FAM178B: variants seen among roughly 807,000 people sequenced by gnomAD.
FAM178B encodes the protein family with sequence similarity 178 member B, also known as protein FAM178B.
Under a neutral mutation model 91.7 loss-of-function variants are expected in FAM178B, and 82 were observed. The ratio of observed to expected loss-of-function variants is 0.89; its 90% CI spans 0.75 to 1.07. FAM178B has a LOEUF of 1.07. FAM178B is among the 50% of genes least tolerant of loss of function. The probability of loss-of-function intolerance (pLI) is 0.00; values close to 1 mark genes in which losing one functional copy is unlikely to be tolerated. For missense variants in FAM178B, 769 were observed against 846.7 expected (o/e 0.91, Z 1.14); for synonymous variants, 368 against 359.4 (o/e 1.02, Z -0.27).
At chr2:96,926,895 C>T (rs570144945) in intron 9 of FAM178B, among the ~76,000 whole-genome samples, 1 of 152,178 alleles carries the variant, frequency 6.6e-6, no homozygotes, top group Non-Finnish European at 1.5e-5. Context: ...TGAGCCCTGG[C>T]CATTGTGAGG....
intron 12 of FAM178B, among the ~76,000 whole-genome samples, chr2:96,918,362 T>C (rs2081277520): frequency 1.3e-5 from 2 of 152,026 alleles, no homozygotes; most frequent in African/African-American, 4.8e-5. Context: ...CAAAAGGTAA[T>C]TTACAGTAAG....
At chr2:96,886,907 G>A (rs527393379) in intron 14 of FAM178B, among the ~76,000 whole-genome samples, 14 of 152,232 alleles carry the variant, frequency 9.2e-5, no homozygotes, top group African/African-American at 3.1e-4. Context: ...CACCAAACCT[G>A]GCTCATTTTT....
Position 96,986,539 on chromosome 2 carries a change from A to AGCC in FAM178B, c.-229_-227dup, listed in dbSNP as rs931327167. On this transcript the variant is annotated 5_prime_UTR_variant, in exon 1 of 17. Coordinates refer to ENST00000490605, the MANE Select transcript of FAM178B (RefSeq NM_001122646.3). ...ACTCCAAACCAAGCGGCCAGCTCAC[A>AGCC]GCCGCCGCCGCCGCCAGCTGGGGAG... 9.5e-5 allele frequency: 52 copies of AGCC among 547,050 alleles called. No homozygotes were observed. The highest frequency in any genetic ancestry group is 2.6e-4 in the South Asian group (12 of 46,482). 33.9% of individuals were successfully genotyped at this position (547,050 alleles called of 1,614,324 possible).
chr2:96,918,188 A>C (rs1485072602), intron 12 of FAM178B, among the ~76,000 whole-genome samples: 1 of 152,030 alleles, frequency 6.6e-6, no homozygotes, highest in African/African-American at 2.4e-5. Flanking sequence ...AAAAAAAAAA[A>C]GAAAAAAAAT....
At chr2:96,978,860 C>T (rs547666080) in intron 1 of FAM178B, among the ~76,000 whole-genome samples, 177 of 151,806 alleles carry the variant, frequency 1.2e-3, no homozygotes, top group African/African-American at 4.0e-3. Context: ...CTCCTGACCT[C>T]GTGATCCGCC....
chr2:96,935,085 G>T (rs1428102207), intron 8 of FAM178B, among the ~76,000 whole-genome samples: 1 of 152,116 alleles, frequency 6.6e-6, no homozygotes, highest in Non-Finnish European at 1.5e-5. Context: ...GTGACAGAGC[G>T]ACATTGTGCC....
Position 96,905,814 on chromosome 2 carries a change from GTGTGTATATATATATA to G in FAM178B, c.1563-3123_1563-3108del, listed in dbSNP as rs1449513555. 1.7e-3 allele frequency among the ~76,000 whole-genome samples: 60 copies of G among 34,472 alleles called. 1 individual carries two copies. The East Asian group carries it at 0.026, about 15-fold the overall frequency. The allele number at this position is 34,472 out of a possible 152,430, so 22.6% of individuals were successfully genotyped here. On this transcript the variant is annotated intron_variant, in intron 12 of 16. Coordinates refer to ENST00000490605, the MANE Select transcript of FAM178B (RefSeq NM_001122646.3). The stretch of plus-strand genomic sequence containing the variant: ...TATATACACAAAAATATACATATAT[GTGTGTATATATATATA>G]TATATATATATATATATATATATAT...
intron 12 of FAM178B, among the ~76,000 whole-genome samples, chr2:96,916,699 A>C (rs1559071014): frequency 6.6e-6 from 1 of 151,906 alleles, no homozygotes; most frequent in African/African-American, 2.4e-5. Flanking sequence ...ATTCACTTTC[A>C]TTTTTCATGG....
intron 5 of FAM178B, among the ~76,000 whole-genome samples, chr2:96,967,176 G>A (rs777831405): frequency 3.2e-4 from 48 of 152,114 alleles, no homozygotes; most frequent in Non-Finnish European, 5.1e-4. Context: ...TCACATGGTC[G>A]TAACCTCCCC....
At chr2:96,896,523 C>T (rs548773192) in intron 13 of FAM178B, among the ~76,000 whole-genome samples, 1 of 152,268 alleles carries the variant, frequency 6.6e-6, no homozygotes, top group East Asian at 1.9e-4. Flanking sequence ...AAACACTCGG[C>T]CGCTTAGGGC....
Position 96,877,727 on chromosome 2 carries a change from G to C in FAM178B, c.2007+163C>G, listed in dbSNP as rs75843899. On this transcript the variant is annotated intron_variant, in intron 16 of 16. Transcript: ENST00000490605. ...CTGGATTCTTGATAAGAATGATGAA[G>C]GCCCCTCAAGGCGTCCCCACCCTTC... is the stretch of plus-strand genomic sequence containing the variant. 8.8e-5 allele frequency: 58 copies of C among 655,574 alleles called. 2 individuals carry two copies. The East Asian group carries it at 1.5e-3, about 17-fold the overall frequency. The allele number at this position is 655,574 out of a possible 1,614,324, so 40.6% of individuals were successfully genotyped here.
At chr2:96,936,927 C>T (rs961799096) in intron 8 of FAM178B, among the ~76,000 whole-genome samples, 7 of 152,166 alleles carry the variant, frequency 4.6e-5, no homozygotes, top group Admixed American at 4.6e-4. Flanking sequence ...TCATCTCAAT[C>T]AAGGACCCAG....
chr2:96,960,089 T>A (rs537075653), intron 6 of FAM178B, among the ~76,000 whole-genome samples, 199 bp downstream of exon 6: 18 of 152,392 alleles, frequency 1.2e-4, no homozygotes, highest in African/African-American at 3.1e-4. Context: ...GGGAATTTTT[T>A]AATTATGTGC....
intron 13 of FAM178B, among the ~76,000 whole-genome samples, chr2:96,899,574 A>AG (rs1194385382): frequency 6.6e-6 from 1 of 151,606 alleles, no homozygotes; most frequent in Non-Finnish European, 1.5e-5. Flanking sequence ...TAAAAAAAAA[A>AG]GAAAAAAAAA....
At chr2:96,886,038 G>C (rs1419687750) in intron 14 of FAM178B, among the ~76,000 whole-genome samples, 1 of 152,148 alleles carries the variant, frequency 6.6e-6, no homozygotes, top group Non-Finnish European at 1.5e-5. Context: ...TTGTCTCCGC[G>C]GTGTTGGCAC....
At chr2:96,920,924 C>G (rs766883759) in intron 12 of FAM178B, among the ~76,000 whole-genome samples, 2 of 152,158 alleles carry the variant, frequency 1.3e-5, no homozygotes, top group Non-Finnish European at 2.9e-5. Flanking sequence ...AGTGGGGGCC[C>G]TGCAGGCAGG....
chr2:96,970,161 C>T (rs1027886148), intron 4 of FAM178B, among the ~76,000 whole-genome samples: 3 of 152,144 alleles, frequency 2.0e-5, no homozygotes, highest in African/African-American at 4.8e-5. Flanking sequence ...TCTCATCAGA[C>T]GTGACTGTTG....
chr2:96,930,692 G>A (rs1442183494), intron 8 of FAM178B, among the ~76,000 whole-genome samples: 2 of 152,216 alleles, frequency 1.3e-5, no homozygotes, highest in African/African-American at 4.8e-5. Flanking sequence ...AGCTAAGAGG[G>A]TGCTATGTTC....
chr2:96,969,394 C>CAGCAAGA (rs1284237205), intron 4 of FAM178B, among the ~76,000 whole-genome samples: 3 of 152,200 alleles, frequency 2.0e-5, no homozygotes, highest in Admixed American at 6.5e-5. Flanking sequence ...CGTGAGGACA[C>CAGCAAGA]AGCAAGAAGC....
Sources: gnomAD v4.1 joint callset for allele counts (sites outside exome capture counted in the v4.1 genomes callset) on GRCh38, gnomAD v4.1.1 for gene constraint, MANE v1.5 for transcripts, NCBI Gene and HGNC (gene_info 2026-07-23, HGNC 2026-07-21) for gene names.